RICTOR: variants seen among roughly 807,000 people sequenced by gnomAD.
The protein encoded by RICTOR is RPTOR independent companion of MTOR complex 2.
In RICTOR, 49 loss-of-function variants were observed where a neutral mutation model predicts 214.9. The ratio of observed to expected loss-of-function variants is 0.23; its 90% confidence interval spans 0.18 to 0.29. The LOEUF (loss-of-function observed/expected upper bound fraction) is 0.29. Among genes scored for constraint, RICTOR ranks in the 10% least tolerant of loss-of-function variants. The pLI, the probability that RICTOR is intolerant of heterozygous loss-of-function variation, is 1.00. For synonymous variants in RICTOR, 717 were observed against 711.3 expected (o/e 1.01, Z -0.13); for missense variants, 1,625 against 2,047.0 (o/e 0.79, Z 3.98).
intron 2 of RICTOR, among the ~76,000 whole-genome samples, chr5:39,061,572 C>G (rs367945355): frequency 1.3e-4 from 20 of 151,632 alleles, no homozygotes; most frequent in African/African-American, 3.9e-4. Flanking sequence ...TCCAGGTGAA[C>G]ACTTAGCAGC....
intron 2 of RICTOR, among the ~76,000 whole-genome samples, chr5:39,052,218 A>AT (rs1757905405): frequency 1.3e-5 from 2 of 151,686 alleles, no homozygotes; most frequent in African/African-American, 4.8e-5. Context: ...ACAAAAAAAA[A>AT]TTTTTAAATT....
At chr5:38,954,338 A>C (rs1282964688) in intron 27 of RICTOR, among the ~76,000 whole-genome samples, 2 of 152,006 alleles carry the variant, frequency 1.3e-5, no homozygotes, top group African/African-American at 4.8e-5. Flanking sequence ...ACGCGAGAAT[A>C]AAATGTGCTC....
intron 25 of RICTOR, among the ~76,000 whole-genome samples, chr5:38,955,920 C>A (rs1437428696): frequency 2.6e-5 from 4 of 152,052 alleles, no homozygotes; most frequent in African/African-American, 9.7e-5. Flanking sequence ...TCCAGATCCA[C>A]ATTTTCAAGC....
intron 31 of RICTOR, 161 bp downstream of exon 31, chr5:38,949,551 C>G: frequency 9.4e-7 from 1 of 1,063,846 alleles, no homozygotes; most frequent in Non-Finnish European, 1.4e-6. Flanking sequence ...GAATCCATTT[C>G]AAGTCATATC....
chr5:38,962,787 G>T, intron 17 of RICTOR, 89 bp downstream of exon 17: 1 of 1,120,582 alleles, frequency 8.9e-7, no homozygotes, highest in South Asian at 1.4e-5. Context: ...GAAGAGAAGT[G>T]TAAACTCAAA....
intron 2 of RICTOR, among the ~76,000 whole-genome samples, chr5:39,044,091 G>A (rs1182727112): frequency 6.6e-6 from 1 of 152,032 alleles, no homozygotes; most frequent in Non-Finnish European, 1.5e-5. Flanking sequence ...ATATCAAAAT[G>A]ACACTGTACC....
At chr5:38,959,000 C>T (rs143932552) in intron 22 of RICTOR, among the ~76,000 whole-genome samples, 169 bp from the exon 23 acceptor site, 251 of 152,038 alleles carry the variant, frequency 1.7e-3, no homozygotes, top group African/African-American at 5.9e-3. Context: ...AGAATACTTC[C>T]CTTTCTATCT....
intron 16 of RICTOR, 96 bp from the exon 17 acceptor site, chr5:38,963,137 C>G: frequency 2.5e-6 from 2 of 797,142 alleles, no homozygotes; most frequent in Non-Finnish European, 3.7e-6. Flanking sequence ...AAGATCAAGG[C>G]TAGAAATTAT....
At chr5:38,987,975 T>A (rs1050285915) in intron 7 of RICTOR, among the ~76,000 whole-genome samples, 6 of 152,238 alleles carry the variant, frequency 3.9e-5, no homozygotes, top group Non-Finnish European at 7.3e-5. Context: ...CCAGTAGTCA[T>A]TAAGGAGCAG....
At chr5:38,991,988 T>C (rs1752814990) in intron 6 of RICTOR, among the ~76,000 whole-genome samples, 2 of 152,078 alleles carry the variant, frequency 1.3e-5, no homozygotes, top group African/African-American at 4.8e-5. Flanking sequence ...ATAAAACTTG[T>C]GAGATGAAAC....
intron 17 of RICTOR, 56 bp downstream of exon 17, chr5:38,962,820 G>T: frequency 7.0e-7 from 1 of 1,428,496 alleles, no homozygotes; most frequent in Non-Finnish European, 9.9e-7. Context: ...AAAATCCAGT[G>T]GTTAAGGAAT....
Position 38,963,015 on chromosome 5 carries a change from A to C in RICTOR, c.1427T>G (p.Leu476Ter). The C allele has an allele frequency of 6.2e-7, 1 of 1,612,956 alleles. No individual in the cohort carries two copies. The highest frequency in any genetic ancestry group is 8.5e-7 in the Non-Finnish European group (1 of 1,179,246). The change falls in exon 17 of 38, where the codon TTA (leucine) becomes TGA (stop). Residue 476 changes from leucine to a stop codon, truncating the protein, a stop_gained. Coordinates refer to ENST00000357387, the MANE Select transcript of RICTOR (RefSeq NM_152756.5). LOFTEE classifies it high-confidence loss of function. ...RLRASAALNC[L>*]KRFHEMKKRG... ...TTTCTTCATTTCATGGAAGCGTTTT[A>C]AACAGTTCAAGGCTGCACTGGCTCG... is the stretch of plus-strand genomic sequence containing the variant.
intron 2 of RICTOR, among the ~76,000 whole-genome samples, chr5:39,043,810 AGAG>A (rs1263139511): frequency 6.6e-6 from 1 of 152,092 alleles, no homozygotes; most frequent in Non-Finnish European, 1.5e-5. Context: ...CTTTATAAGA[AGAG>A]AAGCGACCTG....
chr5:39,019,323 C>T lies in RICTOR; in HGVS notation c.195+1716G>A, dbSNP rs189375131. ...GAAACAATCTTCAACTGGAAGAAGACGCCATCGAGAACTTTCATAACTAGA... is the reference window on the plus strand; with the variant it reads ...GAAACAATCTTCAACTGGAAGAAGATGCCATCGAGAACTTTCATAACTAGA... On this transcript the variant is annotated intron_variant, in intron 3 of 37. Coordinates refer to ENST00000357387, the MANE Select transcript of RICTOR (RefSeq NM_152756.5). Among the ~76,000 whole-genome samples the T allele has an allele frequency of 4.1e-4, 62 of 152,264 alleles. 1 individual carries two copies. The East Asian group carries it at 8.7e-3, about 21-fold the overall frequency.
intron 7 of RICTOR, among the ~76,000 whole-genome samples, chr5:38,982,465 T>A (rs1294499329): frequency 2.0e-5 from 3 of 152,196 alleles, no homozygotes; most frequent in Admixed American, 2.0e-4. Context: ...AGCTCAAAAA[T>A]TTCTTGCTCC....
At chr5:38,964,989 A>C in intron 15 of RICTOR, 97 bp from the exon 16 acceptor site, 11 of 608,740 alleles carry the variant, frequency 1.8e-5, no homozygotes, top group Non-Finnish European at 2.8e-6. Flanking sequence ...CAAGACTATT[A>C]CAAATTCTGA....
chr5:39,039,166 T>C (rs1472019414), intron 2 of RICTOR, among the ~76,000 whole-genome samples: 2 of 152,046 alleles, frequency 1.3e-5, no homozygotes, highest in African/African-American at 4.8e-5. Flanking sequence ...ATGCCACATA[T>C]CTACAATTAT....
At chr5:39,008,654 T>G (rs186990091) in intron 3 of RICTOR, among the ~76,000 whole-genome samples, 2 of 152,046 alleles carry the variant, frequency 1.3e-5, no homozygotes, top group Admixed American at 1.3e-4. Context: ...TGGCTATATA[T>G]ATACATAAAA....
At position 39,020,220 on chromosome 5, in the gene RICTOR, T is replaced by C. The variant is rs149569100; in HGVS notation, c.195+819A>G. ...AAATGACAACAAATAATTCAGAATA[T>C]TACAGAAACTTAGTTGATGCAGCAG... On this transcript the variant is annotated intron_variant, in intron 3 of 37. Transcript: ENST00000357387. Among the ~76,000 whole-genome samples, 676 of 152,260 alleles carry C rather than the reference T, an allele frequency of 4.4e-3. 6 individuals are homozygous for C. Among genetic ancestry groups the C allele is most frequent in the Non-Finnish European group, 6.7e-3 (457 of 68,016 alleles).
Sources: gnomAD v4.1 joint callset for allele counts (sites outside exome capture counted in the v4.1 genomes callset) on GRCh38, gnomAD v4.1.1 for gene constraint, MANE v1.5 for transcripts, NCBI Gene and HGNC (gene_info 2026-07-23, HGNC 2026-07-21) for gene names.